Variants in TIAM1 observed in about 807,000 individuals in gnomAD.
TIAM1 encodes TIAM Rac1 associated GEF 1.
In TIAM1, 65 loss-of-function variants were observed where a neutral mutation model predicts 163.5. The ratio of observed to expected loss-of-function variants is 0.40; its 90% CI spans 0.33 to 0.49. The LOEUF (loss-of-function observed/expected upper bound fraction) is 0.49, where lower values mean the gene tolerates loss of function less well. Ranked by LOEUF, TIAM1 falls within the 20% of genes least tolerant of loss-of-function variation. The pLI, the probability that TIAM1 is intolerant of heterozygous loss-of-function variation, is 0.77. For synonymous variants in TIAM1, 833 were observed against 810.1 expected (o/e 1.03, Z -0.48); for missense variants, 1,789 against 2,044.7 (o/e 0.87, Z 2.41).
intron 1 of TIAM1, among the ~76,000 whole-genome samples, chr21:31,473,429 C>CAAAAAAAAAAAAAAAAA (rs56691495): frequency 1.3e-5 from 1 of 75,682 alleles, no homozygotes; most frequent in Non-Finnish European, 2.7e-5. Context: ...GACTCCATCT[C>CAAAAAAAAAAAAAAAAA]AAAAAAAAAA....
At chr21:31,217,866 A>G (rs556726327) in intron 8 of TIAM1, among the ~76,000 whole-genome samples, 167 bp from the exon 9 acceptor site, 13 of 152,328 alleles carry the variant, frequency 8.5e-5, no homozygotes, top group African/African-American at 2.9e-4. Flanking sequence ...ACATATTGGG[A>G]CTTTGAGAGC....
chr21:31,216,341 C>T (rs1463225540), intron 9 of TIAM1, among the ~76,000 whole-genome samples: 2 of 152,124 alleles, frequency 1.3e-5, no homozygotes, highest in Non-Finnish European at 2.9e-5. Flanking sequence ...CAGTCGATGA[C>T]GTCCTCTCAC....
chr21:31,224,979 T>C (rs1345204211), intron 7 of TIAM1, among the ~76,000 whole-genome samples: 2 of 152,202 alleles, frequency 1.3e-5, no homozygotes, highest in African/African-American at 4.8e-5. Context: ...AAAGCAATTA[T>C]ATATCTAGAT....
At position 31,213,866 on chromosome 21, in the gene TIAM1, C is replaced by CAAAAAAAAAA. The variant is rs35524539; in HGVS notation, c.2143-404_2143-395dup. ...GCAATATAGTTAGACCTCATCTCTA[C>CAAAAAAAAAA]AAAAAAAAAAAAAAAAAAAGAATTA... is the stretch of plus-strand genomic sequence containing the variant. On this transcript the variant is annotated intron_variant, in intron 9 of 27. Transcript: ENST00000541036. Among the ~76,000 whole-genome samples, 140 of 54,830 alleles carry CAAAAAAAAAA rather than the reference C, an allele frequency of 2.6e-3. 5 individuals carry two copies. Among genetic ancestry groups the CAAAAAAAAAA allele is most frequent in the African/African-American group, 8.1e-3 (131 of 16,096 alleles). The allele number at this position is 54,830 out of a possible 152,430, so 36.0% of individuals were successfully genotyped here. A position where few individuals can be genotyped will look rare whatever the true frequency, so the allele number is the denominator to read the frequency against.
intron 1 of TIAM1, among the ~76,000 whole-genome samples, chr21:31,511,552 T>C (rs866531373): frequency 3.0e-4 from 46 of 152,256 alleles, no homozygotes; most frequent in African/African-American, 1.1e-3. Flanking sequence ...GAAAATCACA[T>C]GAGGCAATAC....
At chr21:31,462,737 T>G (rs1027577629) in intron 2 of TIAM1, among the ~76,000 whole-genome samples, 33 of 58,330 alleles carry the variant, frequency 5.7e-4, no homozygotes, top group Middle Eastern at 7.4e-3. Flanking sequence ...CACTTTTTTG[T>G]TTTTTTTTTT....
intron 6 of TIAM1, among the ~76,000 whole-genome samples, chr21:31,229,690 C>T (rs769374703): frequency 6.6e-6 from 1 of 151,724 alleles, no homozygotes; most frequent in Non-Finnish European, 1.5e-5. Flanking sequence ...TTCTCTGTTG[C>T]CCAGGCTGGA....
intron 15 of TIAM1, among the ~76,000 whole-genome samples, chr21:31,177,098 G>GT (rs1325417048): frequency 1.3e-5 from 2 of 152,222 alleles, no homozygotes; most frequent in Non-Finnish European, 2.9e-5. Context: ...GAATCCTCAT[G>GT]TCCCCCATAA....
chr21:31,516,134 G>T lies in TIAM1; in HGVS notation c.-422+42793C>A, dbSNP rs13048469. Among the ~76,000 whole-genome samples the T allele has an allele frequency of 5.3e-3, 743 of 139,612 alleles. 1 individual carries two copies. Among genetic ancestry groups the T allele is most frequent in the Non-Finnish European group, 8.4e-3 (548 of 64,988 alleles). 91.6% of individuals were successfully genotyped at this position (139,612 alleles called of 152,430 possible). On this transcript the variant is annotated intron_variant, in intron 1 of 28. Transcript: ENST00000286827. The stretch of plus-strand genomic sequence containing the variant: ...AAAAAAAAAAAAAAAAATAGGGGCT[G>T]GGCACAGTGGCTCACACCTGTAATC...
chr21:31,435,284 A>G (rs1009142996), intron 2 of TIAM1, among the ~76,000 whole-genome samples: 1 of 152,226 alleles, frequency 6.6e-6, no homozygotes, highest in African/African-American at 2.4e-5. Flanking sequence ...GCAAGAAGAT[A>G]AAAAGGGTTT....
At chr21:31,486,015 C>T (rs548631385) in intron 1 of TIAM1, among the ~76,000 whole-genome samples, 4 of 152,306 alleles carry the variant, frequency 2.6e-5, no homozygotes, top group Non-Finnish European at 5.9e-5. Context: ...TTCACATACA[C>T]GATCTGCTCC....
At chr21:31,242,553 G>A (rs529249966) in intron 6 of TIAM1, among the ~76,000 whole-genome samples, 32 of 152,246 alleles carry the variant, frequency 2.1e-4, no homozygotes, top group South Asian at 4.1e-4. Flanking sequence ...TTGCCTGAGC[G>A]TTGATGATAG....
chr21:31,337,651 C>T (rs2075887015), intron 2 of TIAM1, among the ~76,000 whole-genome samples: 1 of 151,846 alleles, frequency 6.6e-6, no homozygotes, highest in Non-Finnish European at 1.5e-5. Flanking sequence ...CCCGCCTCAG[C>T]CTCCCGCGTA....
chr21:31,374,239 G>C (rs2076647676), intron 2 of TIAM1, among the ~76,000 whole-genome samples: 1 of 152,168 alleles, frequency 6.6e-6, no homozygotes, highest in Non-Finnish European at 1.5e-5. Context: ...AGCGGGCAGG[G>C]GGCGATCCCA....
In TIAM1 at chr21:31,377,837, G is replaced by GA. The variant is rs375197332; in HGVS notation, c.-368-38416dup. 3.3e-3 allele frequency among the ~76,000 whole-genome samples: 431 copies of GA among 131,788 alleles called. 1 individual carries two copies. The highest frequency in any genetic ancestry group is 4.2e-3 in the African/African-American group (152 of 35,986). The allele number at this position is 131,788 out of a possible 152,430, so 86.5% of individuals were successfully genotyped here. ...TTTCACTGTGTCCATTGAGGAATAA[G>GA]AAAAAAAAAAAAAAGTGGGCCAGGT... is the stretch of plus-strand genomic sequence containing the variant. On this transcript the variant is annotated intron_variant, in intron 2 of 28. Coordinates refer to the TIAM1 transcript ENST00000286827.
In TIAM1 at chr21:31,178,303, C is replaced by CTTTTTT. The variant is rs10671534; in HGVS notation, c.2887+4112_2887+4117dup. ...CTACTTGACCAAGTATTCAGGAATT[C>CTTTTTT]TTTTTTTTTTTTTTTTTTTTTTTGA... On this transcript the variant is annotated intron_variant, in intron 15 of 27. Transcript: ENST00000541036. 7.8e-4 allele frequency among the ~76,000 whole-genome samples: 75 copies of CTTTTTT among 96,156 alleles called. 2 individuals carry two copies. In the East Asian group the frequency reaches 9.3e-3, roughly 12 times the overall value. 63.1% of individuals were successfully genotyped at this position (96,156 alleles called of 152,430 possible). A position where few individuals can be genotyped will look rare whatever the true frequency, so the allele number is the denominator to read the frequency against.
intron 1 of TIAM1, among the ~76,000 whole-genome samples, chr21:31,511,394 G>A (rs1195706558): frequency 6.6e-6 from 1 of 152,278 alleles, no homozygotes; most frequent in South Asian, 2.1e-4. Flanking sequence ...TTCTTAGTGC[G>A]GACTCTGTGG....
At chr21:31,376,565 G>C (rs1318138675) in intron 2 of TIAM1, among the ~76,000 whole-genome samples, 4 of 152,108 alleles carry the variant, frequency 2.6e-5, no homozygotes, top group Non-Finnish European at 5.9e-5. Flanking sequence ...AAATTAGTTA[G>C]TGCTCCCCCA....
At chr21:31,543,676 G>T (rs976923887) in intron 1 of TIAM1, among the ~76,000 whole-genome samples, 1 of 152,182 alleles carries the variant, frequency 6.6e-6, no homozygotes, top group African/African-American at 2.4e-5. Flanking sequence ...AACAGTGTGA[G>T]CAAAAGAATA....
Sources: allele counts gnomAD v4.1 joint callset (sites outside exome capture counted in the v4.1 genomes callset), GRCh38; gene constraint gnomAD v4.1.1; transcripts MANE v1.5; gene names NCBI Gene and HGNC (gene_info 2026-07-23, HGNC 2026-07-21).